MLLT10: variants seen among roughly 807,000 people sequenced by gnomAD.
MLLT10 encodes protein AF-10.
Under a neutral mutation model 129.1 loss-of-function variants are expected in MLLT10, and 30 were observed. That is an observed-to-expected ratio of 0.23 (90% CI 0.17 to 0.32). MLLT10 has a LOEUF of 0.32. Among genes scored for constraint, MLLT10 ranks in the 10% least tolerant of loss-of-function variants. The pLI, the probability that MLLT10 is intolerant of heterozygous loss-of-function variation, is 1.00. For synonymous variants in MLLT10, 490 were observed against 446.4 expected, an observed-to-expected ratio of 1.10 and a Z score of -1.23; for missense variants, 1,119 against 1,268.3, an observed-to-expected ratio of 0.88 and a Z score of 1.79.
At chr10:21,703,164 G>C (rs2055092757) in intron 13 of MLLT10, among the ~76,000 whole-genome samples, 1 of 152,038 alleles carries the variant, frequency 6.6e-6, no homozygotes, top group Non-Finnish European at 1.5e-5. Flanking sequence ...ATTCCCTTGA[G>C]CATTTCGTGT....
intron 13 of MLLT10, among the ~76,000 whole-genome samples, chr10:21,690,722 A>G (rs1210116284): frequency 6.6e-6 from 1 of 151,916 alleles, no homozygotes; most frequent in East Asian, 1.9e-4. Flanking sequence ...TTCCTTAACT[A>G]TTACATAAAT....
chr10:21,743,597 A>ATGTT lies in MLLT10; in HGVS notation c.*1616_*1619dup, dbSNP rs1833926012. 1 of 174,302 alleles carries ATGTT rather than the reference A, an allele frequency of 5.7e-6. No homozygotes were observed. The highest frequency in any genetic ancestry group is 6.3e-5 in the Admixed American group (1 of 15,776). The allele number at this position is 174,302 out of a possible 1,614,324, so 10.8% of individuals were successfully genotyped here. ...TTCCACATGTATTAAAATGTACAAA[A>ATGTT]TGTTTTGTTAATAAAATTTAATAAT... On this transcript the variant is annotated 3_prime_UTR_variant, in exon 23 of 23. Coordinates refer to ENST00000307729, the MANE Select transcript of MLLT10 (RefSeq NM_001195626.3).
chr10:21,541,518 T>C (rs1229000733), intron 3 of MLLT10, among the ~76,000 whole-genome samples: 5 of 152,190 alleles, frequency 3.3e-5, no homozygotes, highest in African/African-American at 4.8e-5. Context: ...CCCATGTATC[T>C]GGGACTACAG....
At chr10:21,643,533 A>G (rs758034620) in intron 8 of MLLT10, among the ~76,000 whole-genome samples, 152 of 152,298 alleles carry the variant, frequency 1.0e-3, no homozygotes, top group Admixed American at 3.1e-3. Context: ...TTTTTCAATA[A>G]TAAGTTCTTA....
At chr10:21,717,482 T>TTCCTCCTCCTCC (rs766780330) in intron 14 of MLLT10, among the ~76,000 whole-genome samples, 8 of 115,354 alleles carry the variant, frequency 6.9e-5, no homozygotes, top group South Asian at 3.0e-4. Flanking sequence ...TATTCTTATA[T>TTCCTCCTCCTCC]TCCTCCTCCT....
intron 3 of MLLT10, chr10:21,557,875 G>A (rs1450315170): frequency 6.6e-6 from 1 of 151,924 alleles, no homozygotes; most frequent in African/African-American, 2.4e-5. Flanking sequence ...TGCAAAACAA[G>A]GGGGATGCTT....
intron 8 of MLLT10, among the ~76,000 whole-genome samples, chr10:21,641,080 A>G (rs1468150708): frequency 6.6e-6 from 1 of 152,214 alleles, no homozygotes; most frequent in Non-Finnish European, 1.5e-5. Context: ...GACTACGTTG[A>G]TTGGAACCCA....
At chr10:21,731,112 C>G (rs1247097123) in intron 17 of MLLT10, 58 bp downstream of exon 17, 1 of 1,465,342 alleles carries the variant, frequency 6.8e-7, no homozygotes, top group Non-Finnish European at 9.3e-7. Flanking sequence ...GACAAACAGG[C>G]AGATGGATGC....
intron 9 of MLLT10, among the ~76,000 whole-genome samples, chr10:21,668,343 G>T (rs1206137580): frequency 6.6e-6 from 1 of 151,948 alleles, no homozygotes; most frequent in Non-Finnish European, 1.5e-5. Flanking sequence ...GTTGATCATT[G>T]TATGTTTATA....
chr10:21,650,715 G>T (rs969537062), intron 8 of MLLT10, among the ~76,000 whole-genome samples: 7 of 151,968 alleles, frequency 4.6e-5, no homozygotes, highest in Non-Finnish European at 8.8e-5. Context: ...GAACATTTTG[G>T]TTAAAATTAT....
At chr10:21,600,978 C>T (rs1443067617) in intron 5 of MLLT10, among the ~76,000 whole-genome samples, 1 of 152,168 alleles carries the variant, frequency 6.6e-6, no homozygotes, top group Non-Finnish European at 1.5e-5. Flanking sequence ...CATGGTCTTG[C>T]TGTTGCCCAG....
intron 3 of MLLT10, among the ~76,000 whole-genome samples, chr10:21,562,487 G>A (rs1588951833): frequency 6.6e-6 from 1 of 151,510 alleles, no homozygotes; most frequent in South Asian, 2.1e-4. Context: ...ACAGGTGCCC[G>A]CCATCACGCC....
At chr10:21,727,537 T>A (rs1354514984) in intron 15 of MLLT10, among the ~76,000 whole-genome samples, 1 of 152,220 alleles carries the variant, frequency 6.6e-6, no homozygotes, top group Non-Finnish European at 1.5e-5. Context: ...TTCATTACTT[T>A]AACCGTAGAA....
At chr10:21,619,574 T>A (rs1169795139) in intron 8 of MLLT10, among the ~76,000 whole-genome samples, 1 of 152,226 alleles carries the variant, frequency 6.6e-6, no homozygotes, top group East Asian at 1.9e-4. Flanking sequence ...AAAAAACACG[T>A]TTAGTCAAAC....
At chr10:21,728,965 A>G (rs2057736350) in intron 16 of MLLT10, among the ~76,000 whole-genome samples, 1 of 151,730 alleles carries the variant, frequency 6.6e-6, no homozygotes, top group Non-Finnish European at 1.5e-5. Flanking sequence ...GTTAAGGAAC[A>G]TCTTCTTTAT....
chr10:21,661,091 T>A (rs547921755), intron 9 of MLLT10, among the ~76,000 whole-genome samples: 1 of 152,318 alleles, frequency 6.6e-6, no homozygotes, highest in South Asian at 2.1e-4. Flanking sequence ...CCATGTGTTT[T>A]TGGATTTATG....
intron 9 of MLLT10, among the ~76,000 whole-genome samples, chr10:21,654,613 C>T (rs2049370296): frequency 6.6e-6 from 1 of 152,154 alleles, no homozygotes; most frequent in African/African-American, 2.4e-5. Flanking sequence ...CAGTGTTCCA[C>T]CTGAAGGTTC....
chr10:21,580,664 AC>A (rs1239745945), intron 3 of MLLT10, among the ~76,000 whole-genome samples: 1 of 151,940 alleles, frequency 6.6e-6, no homozygotes, highest in East Asian at 1.9e-4. Context: ...TGCTGGGATT[AC>A]AGGCGTGAGC....
Position 21,743,303 on chromosome 10 carries a change from A to T in MLLT10, c.*1320A>T, listed in dbSNP as rs910199460. ...AGTTCTTACCTCATTTCTGTAAATA[A>T]AGTTTTGTGAATCTGTTTTGTATTG... On this transcript the variant is annotated 3_prime_UTR_variant, in exon 23 of 23. Transcript: ENST00000307729. 4 of 223,600 alleles carry T rather than the reference A, an allele frequency of 1.8e-5. No homozygotes were observed. Among genetic ancestry groups the T allele is most frequent in the Non-Finnish European group, 3.6e-5 (4 of 111,912 alleles). The allele number at this position is 223,600 out of a possible 1,614,324, so 13.9% of individuals were successfully genotyped here.
Sources: gnomAD v4.1 joint callset for allele counts (sites outside exome capture counted in the v4.1 genomes callset) on GRCh38, gnomAD v4.1.1 for gene constraint, MANE v1.5 for transcripts, NCBI Gene and HGNC (gene_info 2026-07-23, HGNC 2026-07-21) for gene names.